NCOA2: variants seen among roughly 807,000 people sequenced by gnomAD.
The protein encoded by NCOA2 is nuclear receptor coactivator 2.
Under a neutral mutation model 145.1 loss-of-function variants are expected in NCOA2, and 21 were observed. The ratio of observed to expected loss-of-function variants is 0.14; its 90% CI spans 0.10 to 0.21. The LOEUF is 0.21. NCOA2 is among the 10% of genes least tolerant of loss of function. The pLI is 1.00. For synonymous variants in NCOA2, 619 were observed against 637.5 expected (o/e 0.97, Z 0.44); for missense variants, 1,472 against 1,837.6 (o/e 0.80, Z 3.64).
At chr8:70,139,801 C>T (rs888460728) in intron 14 of NCOA2, among the ~76,000 whole-genome samples, 3 of 151,750 alleles carry the variant, frequency 2.0e-5, no homozygotes, top group Admixed American at 6.6e-5. Flanking sequence ...TACAGGTATG[C>T]GCCACCACCC....
intron 1 of NCOA2, among the ~76,000 whole-genome samples, chr8:70,349,553 C>T (rs1808981697): frequency 6.6e-6 from 1 of 152,002 alleles, no homozygotes; most frequent in Non-Finnish European, 1.5e-5. Context: ...GAAGCTTCTT[C>T]CTTCACCTGA....
chr8:70,154,366 G>A (rs920879589), intron 11 of NCOA2, among the ~76,000 whole-genome samples: 1 of 152,158 alleles, frequency 6.6e-6, no homozygotes, highest in African/African-American at 2.4e-5. Context: ...CCTAGGAAAC[G>A]TCTCATGCCA....
intron 2 of NCOA2, among the ~76,000 whole-genome samples, chr8:70,230,776 C>T (rs1821064017): frequency 6.6e-6 from 1 of 152,122 alleles, no homozygotes; most frequent in African/African-American, 2.4e-5. Context: ...GCACATATTC[C>T]TACCACCCAG....
At chr8:70,424,451 C>A in the NCOA2 span, 1 of 498,536 alleles carries the variant, frequency 2.0e-6, no homozygotes. Context: ...CTCAATACCA[C>A]ATGAGCATAT....
intron 4 of NCOA2, among the ~76,000 whole-genome samples, chr8:70,199,526 G>A: frequency 6.6e-6 from 1 of 152,140 alleles, no homozygotes; most frequent in South Asian, 2.1e-4. Flanking sequence ...CAGGCAGATG[G>A]GAAGAAGAGC....
At chr8:70,352,592 T>G (rs933296224) in intron 1 of NCOA2, among the ~76,000 whole-genome samples, 4 of 152,236 alleles carry the variant, frequency 2.6e-5, no homozygotes, top group Non-Finnish European at 5.9e-5. Context: ...TGACTGCCTA[T>G]TATCTTGAAT....
the NCOA2 span, among the ~76,000 whole-genome samples, chr8:70,420,834 G>C: frequency 6.6e-6 from 1 of 152,030 alleles, no homozygotes; most frequent in East Asian, 1.9e-4. Context: ...TAGTAGAGAC[G>C]GGGTTTCACC....
chr8:70,434,137 G>A, the NCOA2 span, among the ~76,000 whole-genome samples: 2 of 152,144 alleles, frequency 1.3e-5, no homozygotes. Flanking sequence ...AGAGGTCAAG[G>A]AGGAGCTCCA....
chr8:70,116,383 C>T (rs970455684), intron 22 of NCOA2, among the ~76,000 whole-genome samples: 1 of 152,034 alleles, frequency 6.6e-6, no homozygotes. Flanking sequence ...GAGACCCTGT[C>T]TCTACTAAAA....
chr8:70,289,521 T>C (rs1455408436), intron 2 of NCOA2, among the ~76,000 whole-genome samples: 1 of 152,146 alleles, frequency 6.6e-6, no homozygotes, highest in East Asian at 1.9e-4. Flanking sequence ...GATAAAACCA[T>C]GCTGGGGTTC....
chr8:70,364,758 A>C (rs1052071762), intron 1 of NCOA2, among the ~76,000 whole-genome samples: 4 of 150,790 alleles, frequency 2.7e-5, no homozygotes, highest in Admixed American at 6.6e-5. Flanking sequence ...AAAAAAAAAA[A>C]CTAGCAAATT....
At chr8:70,257,971 A>AC (rs1326157080) in intron 2 of NCOA2, among the ~76,000 whole-genome samples, 1 of 151,868 alleles carries the variant, frequency 6.6e-6, no homozygotes, top group Admixed American at 6.6e-5. Flanking sequence ...AGGCTGGAGT[A>AC]CAGTGGCACA....
intron 6 of NCOA2, among the ~76,000 whole-genome samples, chr8:70,169,890 AATCATCATCATC>A (rs56144437): frequency 3.3e-5 from 5 of 150,070 alleles, no homozygotes; most frequent in Admixed American, 6.6e-5. Flanking sequence ...TGCCAAGCAA[AATCATCATCATC>A]ATCATCATCA....
intron 17 of NCOA2, 71 bp from the exon 18 acceptor site, chr8:70,128,581 A>G: frequency 6.3e-7 from 1 of 1,592,332 alleles, no homozygotes. Context: ...AAGTTTCCCA[A>G]GTAACTGCCC....
chr8:70,423,968 T>G, the NCOA2 span, among the ~76,000 whole-genome samples: 1 of 152,228 alleles, frequency 6.6e-6, no homozygotes, highest in Non-Finnish European at 1.5e-5. Context: ...AACATCTTAT[T>G]TTTTGATGAG....
rs193203037 is a variant in NCOA2 at position 70,331,147 on chromosome 8, A to G, written c.-76-34347T>C. 8.5e-3 allele frequency among the ~76,000 whole-genome samples: 1,294 copies of G among 152,282 alleles called. 17 individuals carry two copies. The highest frequency in any genetic ancestry group is 0.029 in the African/African-American group (1,193 of 41,554). Reference sequence around the variant, plus strand: ...CATTTACATATATAGCAAATGTATGATATTTTTAAGATATTCTTTACTGGG... The same window carrying G: ...CATTTACATATATAGCAAATGTATGGTATTTTTAAGATATTCTTTACTGGG... On this transcript the variant is annotated intron_variant, in intron 1 of 22. Coordinates refer to ENST00000452400, the MANE Select transcript of NCOA2 (RefSeq NM_006540.4).
chr8:70,386,539 CGTCATTTA>C (rs1233469361), intron 1 of NCOA2, among the ~76,000 whole-genome samples: 3 of 150,592 alleles, frequency 2.0e-5, no homozygotes, highest in African/African-American at 7.3e-5. Context: ...TACATGTCAT[CGTCATTTA>C]ATCAAGAGTT....
At chr8:70,216,854 G>A in intron 2 of NCOA2, 90 bp from the exon 3 acceptor site, 1 of 811,400 alleles carries the variant, frequency 1.2e-6, no homozygotes, top group Non-Finnish European at 2.1e-6. Flanking sequence ...AAAGAATTTT[G>A]ACTCCAATCA....
chr8:70,203,899 G>A lies in NCOA2; in HGVS notation c.259+10004C>T, dbSNP rs560091344. Among the ~76,000 whole-genome samples the A allele has an allele frequency of 5.9e-5, 9 of 152,170 alleles. No individual in the cohort carries two copies. In the East Asian group the frequency reaches 7.7e-4, roughly 13 times the overall value. ...GCACTAACATAAAATGTGAATGTGC[G>A]TTCTATATTATATATTCTAGTCTAA... is the stretch of plus-strand genomic sequence containing the variant. On this transcript the variant is annotated intron_variant, in intron 4 of 22. Coordinates refer to ENST00000452400, the MANE Select transcript of NCOA2 (RefSeq NM_006540.4).
Sources: gnomAD v4.1 joint callset for allele counts (sites outside exome capture counted in the v4.1 genomes callset) on GRCh38, gnomAD v4.1.1 for gene constraint, MANE v1.5 for transcripts, NCBI Gene and HGNC (gene_info 2026-07-23, HGNC 2026-07-21) for gene names.